The following HLCS variants were observed in gnomAD, a reference collection of about 807,000 sequenced individuals.
HLCS encodes holocarboxylase synthetase.
HLCS carries 53 observed loss-of-function variants against 75.0 expected under a neutral mutation model. That is an observed-to-expected ratio of 0.71 (90% CI 0.57 to 0.89). The LOEUF is 0.89. Ranked by LOEUF, HLCS falls within the 40% of genes least tolerant of loss-of-function variation. The pLI is 0.00. For synonymous variants in HLCS, 431 were observed against 428.6 expected (o/e 1.01, Z -0.07); for missense variants, 966 against 1,074.0 (o/e 0.90, Z 1.41).
intron 2 of HLCS, among the ~76,000 whole-genome samples, chr21:36,961,381 C>T (rs1450384155): frequency 4.6e-5 from 7 of 152,078 alleles, no homozygotes; most frequent in Non-Finnish European, 8.8e-5. Flanking sequence ...AGTGACCAGG[C>T]GTGGTGGCTA....
intron 1 of HLCS, among the ~76,000 whole-genome samples, chr21:36,973,227 CTTTTTTTTTTTT>C (rs11327894): frequency 2.2e-5 from 2 of 91,070 alleles, no homozygotes; most frequent in Non-Finnish European, 4.2e-5. Flanking sequence ...AAGACCCTGT[CTTTTTTTTTTTT>C]TTTTTTTTTT....
chr21:36,821,591 A>G (rs2061842444), intron 6 of HLCS, among the ~76,000 whole-genome samples: 1 of 152,238 alleles, frequency 6.6e-6, no homozygotes. Flanking sequence ...TCTCAATGAC[A>G]GGATTTTAAA....
chr21:36,827,245 C>T (rs758958647), intron 6 of HLCS, among the ~76,000 whole-genome samples: 20 of 152,022 alleles, frequency 1.3e-4, no homozygotes, highest in African/African-American at 3.6e-4. Context: ...TGTTCTTCAG[C>T]GAGCATACTC....
At chr21:36,783,837 A>G (rs910462630) in intron 6 of HLCS, among the ~76,000 whole-genome samples, 8 of 151,332 alleles carry the variant, frequency 5.3e-5, no homozygotes, top group Middle Eastern at 3.2e-3. Flanking sequence ...ACACACACAT[A>G]CATGCACAAA....
At chr21:36,938,426 A>G (rs1386658711) in intron 3 of HLCS, among the ~76,000 whole-genome samples, 1 of 152,212 alleles carries the variant, frequency 6.6e-6, no homozygotes, top group Non-Finnish European at 1.5e-5. Flanking sequence ...TGTGGACTGA[A>G]TTAAACTGAA....
At position 36,762,931 on chromosome 21, in the gene HLCS, A is replaced by C. The variant is rs975181309; in HGVS notation, c.2121+2081T>G. On this transcript the variant is annotated intron_variant, in intron 8 of 10. Coordinates refer to ENST00000674895, the MANE Select transcript of HLCS (RefSeq NM_001352514.2). The stretch of plus-strand genomic sequence containing the variant: ...AGCCATGAAAAAGCTAAACAGACCA[A>C]ACAGACTCATTTAATGTTCTCGGCT... 5.3e-5 allele frequency among the ~76,000 whole-genome samples: 8 copies of C among 152,314 alleles called. 1 individual carries two copies. Among genetic ancestry groups the C allele is most frequent in the Admixed American group, 3.9e-4 (6 of 15,304 alleles).
At chr21:36,840,542 T>C (rs1043318246) in intron 6 of HLCS, among the ~76,000 whole-genome samples, 5 of 152,214 alleles carry the variant, frequency 3.3e-5, no homozygotes, top group Admixed American at 6.5e-5. Context: ...CATATCGTCA[T>C]TATAAAGATT....
At chr21:36,841,911 G>C (rs1182436389) in intron 6 of HLCS, among the ~76,000 whole-genome samples, 1 of 152,080 alleles carries the variant, frequency 6.6e-6, no homozygotes, top group African/African-American at 2.4e-5. Flanking sequence ...CAGCTCATTG[G>C]AAAACTGCTA....
chr21:36,924,698 C>T (rs2066324950), intron 5 of HLCS, among the ~76,000 whole-genome samples: 1 of 152,148 alleles, frequency 6.6e-6, no homozygotes, highest in Non-Finnish European at 1.5e-5. Context: ...AATGAGATGG[C>T]GACACAGGTA....
chr21:36,985,964 G>T (rs2069221123), intron 1 of HLCS, among the ~76,000 whole-genome samples: 1 of 152,142 alleles, frequency 6.6e-6, no homozygotes. Flanking sequence ...GTATATGTTT[G>T]TAATTCATAC....
intron 2 of HLCS, among the ~76,000 whole-genome samples, chr21:36,939,918 G>A (rs765945762): frequency 5.9e-5 from 9 of 152,086 alleles, no homozygotes; most frequent in Non-Finnish European, 1.0e-4. Flanking sequence ...GCGTGGTGTC[G>A]CACACCTGTA....
chr21:36,762,781 C>T (rs1182481869), intron 8 of HLCS, among the ~76,000 whole-genome samples: 2 of 152,356 alleles, frequency 1.3e-5, no homozygotes, highest in East Asian at 1.9e-4. Flanking sequence ...CCCCGTTCAC[C>T]GCTGAAGGCA....
At chr21:36,891,706 C>A (rs1339820915) in intron 6 of HLCS, among the ~76,000 whole-genome samples, 3 of 152,186 alleles carry the variant, frequency 2.0e-5, no homozygotes, top group Non-Finnish European at 4.4e-5. Flanking sequence ...ACACTCTCAG[C>A]AAGGTTCAAT....
intron 6 of HLCS, among the ~76,000 whole-genome samples, chr21:36,833,614 T>TATATATATATATATATATATATA (rs1569076054): frequency 2.7e-5 from 4 of 146,584 alleles, no homozygotes; most frequent in African/African-American, 7.6e-5. Context: ...TATATATATA[T>TATATATATATATATATATATATA]TTGATTTGGA....
At chr21:36,801,407 T>C (rs1841818847) in intron 6 of HLCS, among the ~76,000 whole-genome samples, 1 of 152,218 alleles carries the variant, frequency 6.6e-6, no homozygotes, top group Admixed American at 6.5e-5. Context: ...GGAGAGGTTA[T>C]GACAATCAAG....
intron 2 of HLCS, among the ~76,000 whole-genome samples, chr21:36,953,285 C>G (rs1220885631): frequency 6.6e-6 from 1 of 152,152 alleles, no homozygotes; most frequent in Non-Finnish European, 1.5e-5. Flanking sequence ...AAAGAGGAAA[C>G]TGGTTGTCTC....
chr21:36,979,241 C>T (rs2069035454), intron 1 of HLCS, among the ~76,000 whole-genome samples: 1 of 148,384 alleles, frequency 6.7e-6, no homozygotes, highest in Admixed American at 6.7e-5. Flanking sequence ...CACTGCCCTC[C>T]AGGCCTGGGT....
chr21:36,820,399 T>A (rs910652282), intron 6 of HLCS, among the ~76,000 whole-genome samples: 7 of 152,194 alleles, frequency 4.6e-5, no homozygotes, highest in African/African-American at 1.4e-4. Flanking sequence ...TTCCTCGCGC[T>A]GTCAGAGGCC....
chr21:36,814,979 G>A (rs1162389746), intron 6 of HLCS, among the ~76,000 whole-genome samples: 1 of 151,920 alleles, frequency 6.6e-6, no homozygotes, highest in East Asian at 1.9e-4. Flanking sequence ...ATGTGAGTGT[G>A]TGGATGTGTG....
Sources: allele counts gnomAD v4.1 joint callset (sites outside exome capture counted in the v4.1 genomes callset), GRCh38; gene constraint gnomAD v4.1.1; transcripts MANE v1.5; gene names NCBI Gene and HGNC (gene_info 2026-07-23, HGNC 2026-07-21).